TAFA1: variants seen among roughly 807,000 people sequenced by gnomAD.
TAFA1 encodes chemokine-like protein TAFA-1.
In TAFA1, 4 loss-of-function variants were observed where a neutral mutation model predicts 18.5. The observed-to-expected ratio is 0.22, with a 90% CI of 0.11 to 0.49. The LOEUF (loss-of-function observed/expected upper bound fraction) is 0.49. Ranked by LOEUF, TAFA1 falls within the 20% of genes least tolerant of loss-of-function variation. The probability of loss-of-function intolerance (pLI) is 0.98; values close to 1 mark genes in which losing one functional copy is unlikely to be tolerated. For missense variants in TAFA1, 147 were observed against 169.0 expected (o/e 0.87, Z 0.72); for synonymous variants, 56 against 55.2 (o/e 1.01, Z -0.06).
chr3:68,326,450 T>C (rs190559561), intron 2 of TAFA1, among the ~76,000 whole-genome samples: 38 of 152,312 alleles, frequency 2.5e-4, no homozygotes, highest in East Asian at 7.7e-4. Flanking sequence ...CTGTGCCTCA[T>C]TGGTATTTCC....
rs1250983869 is a variant in TAFA1 at position 68,417,199 on chromosome 3, C to T, written c.119-81C>T. ...CTATAATTTCAATTACTTTCCTCAA[C>T]CCCGCTACATGCACTCCCAGGGGCT... is the stretch of plus-strand genomic sequence containing the variant. On this transcript the variant is annotated intron_variant, in intron 2 of 4. Coordinates refer to ENST00000478136, the MANE Select transcript of TAFA1 (RefSeq NM_213609.4). 26 of 1,189,978 alleles carry T rather than the reference C, an allele frequency of 2.2e-5. No individual in the cohort carries two copies. In the East Asian group the frequency reaches 5.7e-4, roughly 26 times the overall value. The allele number at this position is 1,189,978 out of a possible 1,614,324, so 73.7% of individuals were successfully genotyped here.
At chr3:68,412,057 G>A (rs1237631012) in intron 2 of TAFA1, among the ~76,000 whole-genome samples, 1 of 152,100 alleles carries the variant, frequency 6.6e-6, no homozygotes, top group Admixed American at 6.6e-5. Flanking sequence ...AAATCAAAGA[G>A]CCTGTTATTT....
intron 3 of TAFA1, among the ~76,000 whole-genome samples, chr3:68,453,541 A>T (rs2071603286): frequency 6.6e-6 from 1 of 152,206 alleles, no homozygotes; most frequent in Non-Finnish European, 1.5e-5. Context: ...ATGCAAATAC[A>T]AATCTCTTTG....
chr3:68,167,780 C>T (rs2066002183), intron 2 of TAFA1, among the ~76,000 whole-genome samples: 1 of 151,994 alleles, frequency 6.6e-6, no homozygotes. Context: ...ATAAAAGTTA[C>T]AGAAGTCTAA....
intron 2 of TAFA1, among the ~76,000 whole-genome samples, chr3:68,254,889 C>A (rs1203604384): frequency 6.6e-6 from 1 of 152,072 alleles, no homozygotes; most frequent in Non-Finnish European, 1.5e-5. Flanking sequence ...CAGTGCCAGC[C>A]TACACAGTAC....
chr3:68,517,538 G>A (rs1048103145), intron 3 of TAFA1, among the ~76,000 whole-genome samples: 2 of 152,144 alleles, frequency 1.3e-5, no homozygotes, highest in African/African-American at 4.8e-5. Flanking sequence ...TCTGTAATAA[G>A]ATGAGCGATA....
intron 1 of TAFA1, among the ~76,000 whole-genome samples, chr3:68,005,220 T>C (rs994529322): frequency 6.6e-6 from 1 of 152,166 alleles, no homozygotes; most frequent in African/African-American, 2.4e-5. Flanking sequence ...AGAGAATGCA[T>C]GTATGTTATC....
At chr3:67,998,501 C>T in the TAFA1 span, among the ~76,000 whole-genome samples, 1 of 152,176 alleles carries the variant, frequency 6.6e-6, no homozygotes, top group Admixed American at 6.5e-5. Context: ...ATCCTTCCCC[C>T]TGGTCAAGGT....
At chr3:68,081,314 G>A (rs372234992) in intron 2 of TAFA1, among the ~76,000 whole-genome samples, 18 of 152,174 alleles carry the variant, frequency 1.2e-4, no homozygotes, top group Admixed American at 4.6e-4. Context: ...CTCTCAGCTC[G>A]TCAAAGTCAT....
chr3:68,197,298 T>G (rs889319336), intron 2 of TAFA1, among the ~76,000 whole-genome samples: 2 of 151,782 alleles, frequency 1.3e-5, no homozygotes, highest in Non-Finnish European at 2.9e-5. Context: ...CCTGAGTATA[T>G]AATATTGCTT....
chr3:68,240,446 CAGAGA>C (rs2066981494), intron 2 of TAFA1, among the ~76,000 whole-genome samples: 1 of 152,134 alleles, frequency 6.6e-6, no homozygotes, highest in African/African-American at 2.4e-5. Flanking sequence ...CAAACGAGGG[CAGAGA>C]AGAGAGCAGC....
rs151023881 is a variant in TAFA1, at chr3:68,035,657, C to T, written c.118+28913C>T. On this transcript the variant is annotated intron_variant, in intron 2 of 4. Transcript: ENST00000478136. ...TCAAATTAAACATACATTTACTTTA[C>T]GATGCAGAAATCCCACTTCTGAGTA... Among the ~76,000 whole-genome samples, 119 of 152,250 alleles carry T rather than the reference C, an allele frequency of 7.8e-4. 1 individual carries two copies. The East Asian group carries it at 0.02, about 25-fold the overall frequency.
At chr3:68,391,355 G>A (rs1042274893) in intron 2 of TAFA1, among the ~76,000 whole-genome samples, 4 of 152,114 alleles carry the variant, frequency 2.6e-5, no homozygotes, top group African/African-American at 7.2e-5. Flanking sequence ...CAAGAAACAT[G>A]GGACTATGTG....
chr3:68,514,037 A>T (rs2072885652), intron 3 of TAFA1, among the ~76,000 whole-genome samples: 1 of 152,164 alleles, frequency 6.6e-6, no homozygotes, highest in African/African-American at 2.4e-5. Flanking sequence ...CCCCACAGGT[A>T]GCTGTCTTCT....
At chr3:68,004,788 T>A (rs1400439114) in intron 1 of TAFA1, 86 bp downstream of exon 1, 1 of 152,150 alleles carries the variant, frequency 6.6e-6, no homozygotes, top group Non-Finnish European at 1.5e-5. Flanking sequence ...CAAGGCTGAA[T>A]GCTTTATTTG....
chr3:68,270,999 A>G (rs2067655487), intron 2 of TAFA1, among the ~76,000 whole-genome samples: 1 of 152,116 alleles, frequency 6.6e-6, no homozygotes. Flanking sequence ...TAGAAACCCA[A>G]TCTAAACTGC....
chr3:68,496,106 T>C (rs1449877116), intron 3 of TAFA1, among the ~76,000 whole-genome samples: 2 of 151,136 alleles, frequency 1.3e-5, no homozygotes, highest in Non-Finnish European at 2.9e-5. Flanking sequence ...TGTTCCCTAG[T>C]GAGACATGCA....
intron 2 of TAFA1, among the ~76,000 whole-genome samples, chr3:68,332,908 C>G (rs1422388697): frequency 6.6e-6 from 1 of 152,176 alleles, no homozygotes; most frequent in East Asian, 1.9e-4. Context: ...ATGTGTTCAA[C>G]ATTGCTAATC....
Position 68,283,916 on chromosome 3 carries a change from C to G in TAFA1, c.119-133364C>G, listed in dbSNP as rs145820110. Reference sequence around the variant, plus strand: ...TGGTTGTGCAGTTTTCACATCCCGTCAAGTTAAGTAAATGCCATAAGTAAA... The same window carrying G: ...TGGTTGTGCAGTTTTCACATCCCGTGAAGTTAAGTAAATGCCATAAGTAAA... On this transcript the variant is annotated intron_variant, in intron 2 of 4. Coordinates refer to ENST00000478136, the MANE Select transcript of TAFA1 (RefSeq NM_213609.4). Among the ~76,000 whole-genome samples, 496 of 152,304 alleles carry G rather than the reference C, an allele frequency of 3.3e-3. 1 individual carries two copies. The highest frequency in any genetic ancestry group is 5.5e-3 in the Non-Finnish European group (374 of 68,024).
Sources: gnomAD v4.1 joint callset for allele counts (sites outside exome capture counted in the v4.1 genomes callset) on GRCh38, gnomAD v4.1.1 for gene constraint, MANE v1.5 for transcripts, NCBI Gene and HGNC (gene_info 2026-07-23, HGNC 2026-07-21) for gene names.